Variants in MOB3B observed in about 807,000 individuals in gnomAD.
The protein encoded by MOB3B is MOB kinase activator 3B.
A neutral mutation model predicts 18.7 loss-of-function variants in MOB3B; 7 were observed. The observed-to-expected ratio is 0.37, with a 90% CI of 0.21 to 0.70. The LOEUF (loss-of-function observed/expected upper bound fraction) is 0.70, where lower values mean the gene tolerates loss of function less well. Ranked by LOEUF, MOB3B falls within the 30% of genes least tolerant of loss-of-function variation. The pLI, the probability that MOB3B is intolerant of heterozygous loss-of-function variation, is 0.52. For missense variants in MOB3B, 253 were observed against 281.3 expected, an observed-to-expected ratio of 0.90 and a Z score of 0.72; for synonymous variants, 111 against 99.9, an observed-to-expected ratio of 1.11 and a Z score of -0.66.
At chr9:27,386,553 TCCTTAGAGAGATTCA>T (rs1462294327) in intron 2 of MOB3B, among the ~76,000 whole-genome samples, 1 of 152,240 alleles carries the variant, frequency 6.6e-6, no homozygotes, top group African/African-American at 2.4e-5. Context: ...AAAACTTCTC[TCCTTAGAGAGATTCA>T]CCAGATGGAA....
chr9:27,330,753 T>C, intron 3 of MOB3B, 137 bp from the exon 4 acceptor site: 1 of 1,290,964 alleles, frequency 7.7e-7, no homozygotes, highest in Non-Finnish European at 1.1e-6. Flanking sequence ...GAATAAGGCT[T>C]AGCATGAGGG....
At chr9:27,375,315 A>C (rs1482873084) in intron 2 of MOB3B, among the ~76,000 whole-genome samples, 11 of 152,206 alleles carry the variant, frequency 7.2e-5, no homozygotes, top group Admixed American at 3.9e-4. Flanking sequence ...AGAAGGCACC[A>C]TTTACTTGTT....
chr9:27,349,091 G>T (rs567185555), intron 3 of MOB3B, among the ~76,000 whole-genome samples: 1 of 152,218 alleles, frequency 6.6e-6, no homozygotes, highest in African/African-American at 2.4e-5. Flanking sequence ...CTTGTCTATT[G>T]GTCCATTTAC....
chr9:27,448,972 C>T (rs1329327966), intron 2 of MOB3B, among the ~76,000 whole-genome samples: 1 of 152,194 alleles, frequency 6.6e-6, no homozygotes, highest in Non-Finnish European at 1.5e-5. Flanking sequence ...TAGGCTATCT[C>T]CCCAATTCTC....
At chr9:27,475,225 C>T (rs1354936383) in intron 1 of MOB3B, among the ~76,000 whole-genome samples, 1 of 152,146 alleles carries the variant, frequency 6.6e-6, no homozygotes, top group African/African-American at 2.4e-5. Flanking sequence ...GGATCTGAAT[C>T]CTGCCAATGA....
intron 3 of MOB3B, among the ~76,000 whole-genome samples, chr9:27,352,278 G>A (rs1249727122): frequency 2.6e-5 from 4 of 151,570 alleles, no homozygotes; most frequent in Non-Finnish European, 4.4e-5. Flanking sequence ...CTACTTAGGA[G>A]GCTGAGGTGG....
intron 1 of MOB3B, among the ~76,000 whole-genome samples, chr9:27,516,593 G>T (rs528543320): frequency 1.3e-5 from 2 of 152,266 alleles, no homozygotes; most frequent in East Asian, 3.9e-4. Context: ...GGGCAAAGAT[G>T]CAGAGACAAA....
intron 2 of MOB3B, among the ~76,000 whole-genome samples, chr9:27,426,737 C>T (rs1822340084): frequency 6.6e-6 from 1 of 152,166 alleles, no homozygotes; most frequent in Non-Finnish European, 1.5e-5. Flanking sequence ...TCTAGGTTCC[C>T]CCAAGACTCA....
chr9:27,347,124 G>A (rs1447364087), intron 3 of MOB3B, among the ~76,000 whole-genome samples: 2 of 152,204 alleles, frequency 1.3e-5, no homozygotes, highest in African/African-American at 2.4e-5. Flanking sequence ...CTATCCTAAT[G>A]GATTTAAAAC....
intron 1 of MOB3B, among the ~76,000 whole-genome samples, chr9:27,509,181 T>C (rs1469222776): frequency 6.6e-6 from 1 of 152,128 alleles, no homozygotes; most frequent in Non-Finnish European, 1.5e-5. Flanking sequence ...TGTCATCCCA[T>C]AAAAATACAT....
In MOB3B at chr9:27,326,423, C is replaced by T. The variant is rs1202157412; in HGVS notation, c.*4164G>A. The T allele has an allele frequency of 2.5e-6, 1 of 398,342 alleles. No individual in the cohort carries two copies. Among genetic ancestry groups the T allele is most frequent in the African/African-American group, 2.1e-5 (1 of 48,594 alleles). 24.7% of individuals were successfully genotyped at this position (398,342 alleles called of 1,614,324 possible). A position where few individuals can be genotyped will look rare whatever the true frequency, so the allele number is the denominator to read the frequency against. ...CACTTATTATATATCATCTTTGGAC[C>T]TTTCTAAAAGTGGGACACTAGAAAA... is the stretch of plus-strand genomic sequence containing the variant. On this transcript the variant is annotated 3_prime_UTR_variant, in exon 4 of 4. Coordinates refer to ENST00000262244, the MANE Select transcript of MOB3B (RefSeq NM_024761.5).
In MOB3B at chr9:27,329,103, A is replaced by T. The variant is rs951033356; in HGVS notation, c.*1484T>A. On this transcript the variant is annotated 3_prime_UTR_variant, in exon 4 of 4. Coordinates refer to ENST00000262244, the MANE Select transcript of MOB3B (RefSeq NM_024761.5). ...TGTGGCAGCCACAGAGGGCTTTAAC[A>T]CATTATGATTGATAAAACAAAATCA... is the stretch of plus-strand genomic sequence containing the variant. The T allele has an allele frequency of 6.6e-6, 1 of 152,210 alleles. No individual in the cohort carries two copies. The highest frequency in any genetic ancestry group is 1.5e-5 in the Non-Finnish European group (1 of 68,036). 9.4% of individuals were successfully genotyped at this position (152,210 alleles called of 1,614,324 possible). A position where few individuals can be genotyped will look rare whatever the true frequency, so the allele number is the denominator to read the frequency against.
chr9:27,487,961 C>A (rs1298953680), intron 1 of MOB3B, among the ~76,000 whole-genome samples: 2 of 152,158 alleles, frequency 1.3e-5, no homozygotes, highest in African/African-American at 2.4e-5. Context: ...AGAGAAATAA[C>A]CTATTGGGAC....
At chr9:27,520,759 A>G (rs1820311742) in intron 1 of MOB3B, among the ~76,000 whole-genome samples, 1 of 135,640 alleles carries the variant, frequency 7.4e-6, no homozygotes, top group African/African-American at 3.2e-5. Flanking sequence ...GAAGAGTAGC[A>G]GAGGAATGGC....
chr9:27,474,893 C>T (rs1025671130), intron 1 of MOB3B, among the ~76,000 whole-genome samples: 7 of 152,180 alleles, frequency 4.6e-5, no homozygotes, highest in Non-Finnish European at 7.4e-5. Flanking sequence ...TGGTGCCAGG[C>T]AGATTTCTAA....
intron 2 of MOB3B, chr9:27,378,518 A>T (rs764556638): frequency 2.1e-5 from 10 of 470,990 alleles, no homozygotes; most frequent in Non-Finnish European, 3.5e-5. Flanking sequence ...TCCCAGAACT[A>T]TTGGAACCAG....
intron 1 of MOB3B, among the ~76,000 whole-genome samples, chr9:27,520,642 G>A (rs566045741): frequency 6.6e-6 from 1 of 152,150 alleles, no homozygotes; most frequent in African/African-American, 2.4e-5. Flanking sequence ...GTATTATTTT[G>A]TTTTAGTATG....
At chr9:27,360,489 A>G (rs966676626) in intron 2 of MOB3B, among the ~76,000 whole-genome samples, 5 of 152,256 alleles carry the variant, frequency 3.3e-5, no homozygotes, top group Non-Finnish European at 1.5e-5. Flanking sequence ...TTGGCGACAG[A>G]GTGAGACTCC....
intron 1 of MOB3B, among the ~76,000 whole-genome samples, chr9:27,460,361 T>G (rs1300697053): frequency 6.6e-6 from 1 of 152,236 alleles, no homozygotes; most frequent in Non-Finnish European, 1.5e-5. Context: ...ATAAAACATG[T>G]GCACTATAAA....
Sources: allele counts gnomAD v4.1 joint callset (sites outside exome capture counted in the v4.1 genomes callset), GRCh38; gene constraint gnomAD v4.1.1; transcripts MANE v1.5; gene names NCBI Gene and HGNC (gene_info 2026-07-23, HGNC 2026-07-21).